The following FBXO5 variants were observed in gnomAD, a reference collection of about 807,000 sequenced individuals.
FBXO5 encodes the protein F-box protein 5.
FBXO5 carries 8 observed loss-of-function variants against 43.3 expected under a neutral mutation model. The observed-to-expected ratio is 0.18, with a 90% confidence interval of 0.11 to 0.33. FBXO5 has a LOEUF of 0.33. FBXO5 is among the 10% of genes least tolerant of loss of function. The pLI is 1.00. For missense variants in FBXO5, 491 were observed against 535.7 expected (o/e 0.92, Z 0.82); for synonymous variants, 204 against 193.7 (o/e 1.05, Z -0.44).
rs1432392850 is a variant in FBXO5 at position 152,971,470 on chromosome 6, A to C, written c.1093-56T>G. The C allele has an allele frequency of 2.6e-6, 4 of 1,535,842 alleles. No homozygotes were observed. In the African/African-American group the frequency reaches 5.6e-5, roughly 21 times the overall value. The stretch of plus-strand genomic sequence containing the variant: ...TTTCAGCAAGAATTACATGTACTTT[A>C]GTTAATAAAACCAAGGACACCCTTG... On this transcript the variant is annotated intron_variant, in intron 4 of 4. Transcript: ENST00000229758.
intron 1 of FBXO5, among the ~76,000 whole-genome samples, chr6:152,978,775 C>T (rs1468134062): frequency 2.0e-5 from 3 of 151,926 alleles, no homozygotes; most frequent in Non-Finnish European, 4.4e-5. Flanking sequence ...ACTGCTTGAG[C>T]TCAGGAGTTC....
At chr6:152,983,062 G>A, upstream of FBXO5, 2 of 622,666 alleles carry the variant, frequency 3.2e-6, no homozygotes, top group African/African-American at 1.9e-5. Context: ...GCGCCAGCTG[G>A]TACTTTTAAA....
chr6:152,981,394 A>G (rs1287213868), intron 1 of FBXO5, among the ~76,000 whole-genome samples: 1 of 152,238 alleles, frequency 6.6e-6, no homozygotes, highest in Non-Finnish European at 1.5e-5. Flanking sequence ...ATTAAGTTCC[A>G]GTCTCTAATA....
chr6:152,975,548 T>C lies in FBXO5; in HGVS notation c.177A>G (p.Gly59=). The change falls in exon 2 of 5, where the codon GGA becomes GGG. Residue 59 remains glycine (G), a synonymous_variant. Coordinates refer to ENST00000229758, the MANE Select transcript of FBXO5 (RefSeq NM_012177.5). ...TGTCATCAGGTTTTACCAGTTTAAG[T>C]CCGGAATGAACATGGTTACAATTAA... ...CDFNCNHVHS[G]LKLVKPDDIG... is the part of the protein sequence containing the mutation. 6.2e-7 allele frequency: 1 copy of C among 1,613,056 alleles called. No individual in the cohort carries two copies. The highest frequency in any genetic ancestry group is 8.5e-7 in the Non-Finnish European group (1 of 1,179,744).
chr6:152,978,586 A>G (rs1175088877), intron 1 of FBXO5, among the ~76,000 whole-genome samples: 1 of 152,142 alleles, frequency 6.6e-6, no homozygotes, highest in Non-Finnish European at 1.5e-5. Context: ...TTTGTTAGCT[A>G]ATACCAACAT....
At chr6:152,978,651 C>T (rs1279099852) in intron 1 of FBXO5, among the ~76,000 whole-genome samples, 1 of 151,958 alleles carries the variant, frequency 6.6e-6, no homozygotes, top group African/African-American at 2.4e-5. Flanking sequence ...AAATGACTAC[C>T]ACGTTCCTCT....
intron 3 of FBXO5, 55 bp from the exon 4 acceptor site, chr6:152,972,509 T>C: frequency 1.6e-6 from 2 of 1,224,032 alleles, no homozygotes; most frequent in Non-Finnish European, 2.3e-6. Context: ...GTATCCTCAA[T>C]GAGACATTTT....
In FBXO5 at chr6:152,977,586, C is replaced by T. The variant is rs569797225; in HGVS notation, c.104-1965G>A. 6.6e-5 allele frequency among the ~76,000 whole-genome samples: 10 copies of T among 152,246 alleles called. No individual in the cohort carries two copies. In the South Asian group the frequency reaches 2.1e-3, roughly 32 times the overall value. On this transcript the variant is annotated intron_variant, in intron 1 of 4. Coordinates refer to ENST00000229758, the MANE Select transcript of FBXO5 (RefSeq NM_012177.5). ...TCTAGCTCCCTAATTAACCCTAAAC[C>T]TAGAACAAATGATTCTGAGTGGTTT...
At chr6:152,978,139 T>A (rs1445781895) in intron 1 of FBXO5, among the ~76,000 whole-genome samples, 4 of 152,030 alleles carry the variant, frequency 2.6e-5, no homozygotes, top group Admixed American at 2.6e-4. Flanking sequence ...ATAACATTCA[T>A]ACTGTTTATA....
chr6:152,981,520 C>A (rs538481059), intron 1 of FBXO5, among the ~76,000 whole-genome samples: 1 of 152,232 alleles, frequency 6.6e-6, no homozygotes, highest in South Asian at 2.1e-4. Context: ...CAAAAGCCTC[C>A]TTTGAAAACT....
Position 152,975,439 on chromosome 6 carries a change from T to C in FBXO5, c.286A>G (p.Ile96Val). 1 of 1,614,096 alleles carries C rather than the reference T, an allele frequency of 6.2e-7. No individual in the cohort carries two copies. The highest frequency in any genetic ancestry group is 8.5e-7 in the Non-Finnish European group (1 of 1,180,002). ...CIKDYERLSC[I>V]GSPIVSPRIV... is the part of the protein sequence containing the mutation. The stretch of plus-strand genomic sequence containing the variant: ...CTAGGGCTCACAATCGGTGACCCAA[T>C]ACATGACAGCCTTTCATAGTCTTTA... Residue 96 changes from isoleucine (I) to valine (V), a missense_variant, in exon 2 of 5, where the codon ATT (isoleucine) becomes GTT (valine). By Grantham distance (29) the Ile-to-Val change is conservative. Coordinates refer to ENST00000229758, the MANE Select transcript of FBXO5 (RefSeq NM_012177.5).
At position 152,971,489 on chromosome 6, in the gene FBXO5, A is replaced by G; in HGVS notation, c.1093-75T>C. The stretch of plus-strand genomic sequence containing the variant: ...TACTTTAGTTAATAAAACCAAGGAC[A>G]CCCTTGCACCTTCCCCAATTCATGT... On this transcript the variant is annotated intron_variant, in intron 4 of 4. Coordinates refer to ENST00000229758, the MANE Select transcript of FBXO5 (RefSeq NM_012177.5). The G allele has an allele frequency of 2.1e-6, 3 of 1,421,516 alleles. No homozygotes were observed. The African/African-American group carries it at 4.3e-5, about 20-fold the overall frequency. The allele number at this position is 1,421,516 out of a possible 1,614,324, so 88.1% of individuals were successfully genotyped here.
At position 152,983,038 on chromosome 6, in the gene FBXO5, G is replaced by A. The variant is rs1778290858; in HGVS notation, c.-79C>T. 3.6e-6 allele frequency: 3 copies of A among 844,316 alleles called. No individual in the cohort carries two copies. The highest frequency in any genetic ancestry group is 5.0e-6 in the Non-Finnish European group (3 of 601,974). 52.3% of individuals were successfully genotyped at this position (844,316 alleles called of 1,614,324 possible). ...AGCAACCTGCCTGCTTCACAGACCT[G>A]TATCTCTTAAAAGGCGCCAGCTGGT... On this transcript the variant is annotated 5_prime_UTR_variant, in exon 1 of 5. Coordinates refer to ENST00000229758, the MANE Select transcript of FBXO5 (RefSeq NM_012177.5).
chr6:152,982,861 C>T lies in FBXO5; in HGVS notation c.99G>A (p.Ser33=). The T allele has an allele frequency of 6.6e-7, 1 of 1,508,396 alleles. No individual in the cohort carries two copies. Among genetic ancestry groups the T allele is most frequent in the Non-Finnish European group, 8.8e-7 (1 of 1,135,124 alleles). The allele number at this position is 1,508,396 out of a possible 1,614,324, so 93.4% of individuals were successfully genotyped here. ...AVTAAGRPRP[S]DSCKEESSTL... ...GCGACCGCTCCCCTCACTCACTATCCGAGGGTCGAGGGCGCCCGGCGGCTG... is the reference window on the plus strand; with the variant it reads ...GCGACCGCTCCCCTCACTCACTATCTGAGGGTCGAGGGCGCCCGGCGGCTG... The change falls in exon 1 of 5, where the codon TCG becomes TCA. Residue 33 remains serine, a synonymous_variant. Transcript: ENST00000229758.
chr6:152,973,327 A>C, intron 2 of FBXO5, 191 bp from the exon 3 acceptor site: 1 of 535,096 alleles, frequency 1.9e-6, no homozygotes, highest in East Asian at 3.0e-5. Context: ...ATTTTTAAAA[A>C]GCTCCCTCCT....
chr6:152,971,667 T>A (rs1778089115), intron 4 of FBXO5, among the ~76,000 whole-genome samples: 1 of 152,228 alleles, frequency 6.6e-6, no homozygotes, highest in African/African-American at 2.4e-5. Flanking sequence ...AGTTTTATTA[T>A]GTAGGATTTA....
intron 3 of FBXO5, chr6:152,972,761 C>T (rs755534381): frequency 4.1e-6 from 2 of 486,212 alleles, no homozygotes; most frequent in Non-Finnish European, 7.3e-6. Context: ...ATAAAATACA[C>T]ATACACACAA....
At chr6:152,978,936 A>G (rs1309234564) in intron 1 of FBXO5, among the ~76,000 whole-genome samples, 3 of 151,980 alleles carry the variant, frequency 2.0e-5, no homozygotes, top group Non-Finnish European at 4.4e-5. Flanking sequence ...GGCTGCAGGG[A>G]GTTGTGATCA....
chr6:152,972,288 T>C lies in FBXO5; in HGVS notation c.1076A>G (p.His359Arg), dbSNP rs771364552. The part of the protein sequence containing the change: ...GDQKGSTYSR[H>R]NEFSEVAKTL... ...AAAAATTACCTCAGAGAATTCATTGTGTCGACTATAAGTAGAACCTTTCTG... is the reference window on the plus strand; with the variant it reads ...AAAAATTACCTCAGAGAATTCATTGCGTCGACTATAAGTAGAACCTTTCTG... Residue 359 changes from histidine to arginine, a missense_variant, in exon 4 of 5, where the codon CAC becomes CGC. His to Arg is a conservative substitution (Grantham distance 29). Transcript: ENST00000229758. The C allele has an allele frequency of 6.2e-7, 1 of 1,608,936 alleles. No homozygotes were observed. Among genetic ancestry groups the C allele is most frequent in the Non-Finnish European group, 8.5e-7 (1 of 1,177,052 alleles).
Sources: allele counts gnomAD v4.1 joint callset (sites outside exome capture counted in the v4.1 genomes callset), GRCh38; gene constraint gnomAD v4.1.1; transcripts MANE v1.5; gene names NCBI Gene and HGNC (gene_info 2026-07-23, HGNC 2026-07-21).